SLC16A9: variants seen among roughly 807,000 people sequenced by gnomAD.
SLC16A9 encodes monocarboxylate transporter 9.
In SLC16A9, 26 loss-of-function variants were observed where a neutral mutation model predicts 44.3. That is an observed-to-expected ratio of 0.59 (90% CI 0.43 to 0.81). The LOEUF is 0.81. Among genes scored for constraint, SLC16A9 ranks in the 40% least tolerant of loss-of-function variants. SLC16A9 has a pLI of 0.00. For missense variants in SLC16A9, 559 were observed against 595.8 expected (o/e 0.94, Z 0.64); for synonymous variants, 230 against 225.1 (o/e 1.02, Z -0.19).
At chr10:59,667,515 C>T (rs969794885) in intron 3 of SLC16A9, among the ~76,000 whole-genome samples, 1 of 152,216 alleles carries the variant, frequency 6.6e-6, no homozygotes, top group South Asian at 2.1e-4. Context: ...ACGTTAACAT[C>T]TACTGGATTC....
At chr10:59,675,959 C>T (rs529190320) in intron 2 of SLC16A9, among the ~76,000 whole-genome samples, 48 of 152,314 alleles carry the variant, frequency 3.2e-4, no homozygotes, top group African/African-American at 1.1e-3. Flanking sequence ...ACTCTCACTC[C>T]GGCTCTAAAA....
Position 59,681,765 on chromosome 10 carries a change from G to A in SLC16A9, c.196+2331C>T, listed in dbSNP as rs56221649. 8.6e-5 allele frequency among the ~76,000 whole-genome samples: 2 copies of A among 23,168 alleles called. 1 individual carries two copies. The highest frequency in any genetic ancestry group is 2.2e-4 in the African/African-American group (2 of 9,094). 15.2% of individuals were successfully genotyped at this position (23,168 alleles called of 152,430 possible). On this transcript the variant is annotated intron_variant, in intron 2 of 5. Coordinates refer to ENST00000395348, the MANE Select transcript of SLC16A9 (RefSeq NM_194298.3). ...TGATGTATATGTATATGTATATGAT[G>A]TATATGTATATGTATATGATGTATA...
intron 1 of SLC16A9, among the ~76,000 whole-genome samples, chr10:59,694,120 T>C (rs751226392): frequency 6.6e-6 from 1 of 151,516 alleles, no homozygotes. Context: ...TTTGTATTTT[T>C]AGTAGAGACG....
At chr10:59,671,272 C>T (rs1221887338) in intron 3 of SLC16A9, among the ~76,000 whole-genome samples, 1 of 152,120 alleles carries the variant, frequency 6.6e-6, no homozygotes, top group Non-Finnish European at 1.5e-5. Flanking sequence ...CCAGAATCCA[C>T]TAAATGAAGG....
At chr10:59,698,412 G>A (rs1040508886) in intron 1 of SLC16A9, among the ~76,000 whole-genome samples, 4 of 152,090 alleles carry the variant, frequency 2.6e-5, no homozygotes, top group Middle Eastern at 3.2e-3. Context: ...ACACTTTAAC[G>A]TGGCAAATCC....
intron 1 of SLC16A9, among the ~76,000 whole-genome samples, chr10:59,699,957 C>T (rs927908536): frequency 6.6e-6 from 1 of 151,608 alleles, no homozygotes; most frequent in Non-Finnish European, 1.5e-5. Flanking sequence ...AGTACCACAT[C>T]TCTCCCCCCA....
rs768016632 is a variant in SLC16A9, at chr10:59,652,867, G to C, written c.1435C>G (p.Leu479Val). Residue 479 changes from leucine (L) to valine (V), a missense_variant, in exon 6 of 6, where the codon CTG (leucine) becomes GTG (valine). By Grantham distance (32) the Leu-to-Val change is conservative. Transcript: ENST00000395348. ...TCCCAAGAGGGCAAGGCTGCCAGCA[G>C]CAGAATAAAACCTCCCAGCAGGACG... Reference protein sequence around the residue: ...FCVLLGGFILLLAALPSWDTC... With the variant: ...FCVLLGGFILVLAALPSWDTC... 6.2e-7 allele frequency: 1 copy of C among 1,614,074 alleles called. No individual in the cohort carries two copies. Among genetic ancestry groups the C allele is most frequent in the Admixed American group, 1.7e-5 (1 of 60,016 alleles).
At chr10:59,692,187 G>GAA (rs939362156) in intron 1 of SLC16A9, among the ~76,000 whole-genome samples, 17 of 152,174 alleles carry the variant, frequency 1.1e-4, no homozygotes, top group African/African-American at 4.1e-4. Flanking sequence ...TTTATCTTGG[G>GAA]AAAAAAATGG....
chr10:59,694,245 T>A (rs1247953245), intron 1 of SLC16A9, among the ~76,000 whole-genome samples: 1 of 152,126 alleles, frequency 6.6e-6, no homozygotes. Flanking sequence ...GGCCTCCAAA[T>A]AATAATTTTC....
At chr10:59,661,724 C>T (rs1367130701) in intron 4 of SLC16A9, among the ~76,000 whole-genome samples, 2 of 151,940 alleles carry the variant, frequency 1.3e-5, no homozygotes, top group Non-Finnish European at 1.5e-5. Flanking sequence ...AAGCTGAAGG[C>T]TTCACACTAC....
intron 4 of SLC16A9, among the ~76,000 whole-genome samples, chr10:59,663,126 G>A (rs1056756512): frequency 3.9e-5 from 6 of 152,152 alleles, no homozygotes; most frequent in South Asian, 2.1e-4. Flanking sequence ...TTGGGAGGCC[G>A]AGAGGGGCAG....
At chr10:59,687,356 C>T (rs1003056141) in intron 1 of SLC16A9, among the ~76,000 whole-genome samples, 3 of 152,022 alleles carry the variant, frequency 2.0e-5, no homozygotes, top group African/African-American at 4.8e-5. Context: ...ATTTCTTTTA[C>T]GAAGTTAAGA....
Position 59,654,420 on chromosome 10 carries a change from T to C in SLC16A9, c.606A>G (p.Ile202Met). 1.2e-6 allele frequency: 2 copies of C among 1,613,734 alleles called. No homozygotes were observed. Among genetic ancestry groups the C allele is most frequent in the Non-Finnish European group, 1.7e-6 (2 of 1,180,040 alleles). The change falls in exon 5 of 6, where the codon ATA (isoleucine) becomes ATG (methionine). Residue 202 changes from isoleucine to methionine, a missense_variant. Transcript: ENST00000395348. ...QSSDCPLPKK[I>M]APEDLPDKYS... Reference sequence around the variant, plus strand: ...ATTTATCTGGTAGATCTTCTGGAGCTATTTTTTTAGGCAAAGGACAATCAG... The same window carrying C: ...ATTTATCTGGTAGATCTTCTGGAGCCATTTTTTTAGGCAAAGGACAATCAG...
At chr10:59,689,126 C>T (rs1317983662) in intron 1 of SLC16A9, among the ~76,000 whole-genome samples, 1 of 152,156 alleles carries the variant, frequency 6.6e-6, no homozygotes, top group Non-Finnish European at 1.5e-5. Flanking sequence ...ATAGCGATGA[C>T]TAACAGCTTC....
intron 1 of SLC16A9, among the ~76,000 whole-genome samples, chr10:59,689,590 C>A (rs1192694268): frequency 6.6e-6 from 1 of 152,166 alleles, no homozygotes; most frequent in Non-Finnish European, 1.5e-5. Flanking sequence ...CTGAAGAGAC[C>A]TCTGTCAGTC....
intron 1 of SLC16A9, among the ~76,000 whole-genome samples, chr10:59,686,942 T>C (rs927657318): frequency 6.6e-6 from 1 of 152,182 alleles, no homozygotes; most frequent in African/African-American, 2.4e-5. Context: ...AGTTTCGCTC[T>C]TGCTGCCCAG....
At chr10:59,691,464 A>G (rs1840251475) in intron 1 of SLC16A9, among the ~76,000 whole-genome samples, 1 of 152,204 alleles carries the variant, frequency 6.6e-6, no homozygotes, top group Non-Finnish European at 1.5e-5. Flanking sequence ...CATCTTTCTT[A>G]ACTTTAACTT....
intron 1 of SLC16A9, among the ~76,000 whole-genome samples, chr10:59,697,554 C>T (rs1212499042): frequency 1.3e-5 from 2 of 149,888 alleles, no homozygotes; most frequent in Non-Finnish European, 1.5e-5. Flanking sequence ...TAAGAGTCAT[C>T]GCCACTCCCT....
chr10:59,671,303 G>A (rs1470286675), intron 3 of SLC16A9, among the ~76,000 whole-genome samples: 1 of 152,182 alleles, frequency 6.6e-6, no homozygotes, highest in Non-Finnish European at 1.5e-5. Flanking sequence ...ACTCTAGGAG[G>A]AAGGACACTG....
Sources: gnomAD v4.1 joint callset for allele counts (sites outside exome capture counted in the v4.1 genomes callset) on GRCh38, gnomAD v4.1.1 for gene constraint, MANE v1.5 for transcripts, NCBI Gene and HGNC (gene_info 2026-07-23, HGNC 2026-07-21) for gene names.